TRMT2B: variants seen among roughly 807,000 people sequenced by gnomAD.
The protein encoded by TRMT2B is tRNA methyltransferase 2B, also known as tRNA (uracil-5-)-methyltransferase homolog B.
A neutral mutation model predicts 39.7 loss-of-function variants in TRMT2B; 34 were observed. That is an observed-to-expected ratio of 0.86 (90% CI 0.65 to 1.14). The LOEUF is 1.14. TRMT2B is among the 50% of genes most tolerant of loss of function. The pLI, the probability that TRMT2B is intolerant of heterozygous loss-of-function variation, is 0.00. For missense variants in TRMT2B, 318 were observed against 377.2 expected, an observed-to-expected ratio of 0.84 and a Z score of 1.30; for synonymous variants, 132 against 137.3, an observed-to-expected ratio of 0.96 and a Z score of 0.27.
chrX:100,986,050 G>A, the TRMT2B span: 550 of 779,282 alleles, frequency 7.1e-4, 3 homozygotes, highest in African/African-American at 0.01. Flanking sequence ...GAGGTAGAGC[G>A]GCCCAATTTT....
chrX:101,020,420 A>G (rs1464707799), intron 11 of TRMT2B, 67 bp downstream of exon 11: 1 of 967,724 alleles, frequency 1.0e-6, no homozygotes, highest in Non-Finnish European at 1.5e-6. Flanking sequence ...CTTTTCCCAC[A>G]CAACTCTTTC....
intron 7 of TRMT2B, among the ~76,000 whole-genome samples, chrX:101,027,292 C>T (rs1170069278): frequency 9.3e-6 from 1 of 107,902 alleles, no homozygotes; most frequent in Non-Finnish European, 1.9e-5. Context: ...AGTGCAGTGG[C>T]GCGATCTCGG....
At chrX:100,990,330 C>G in the TRMT2B span, 4 of 911,831 alleles carry the variant, frequency 4.4e-6, no homozygotes, top group Non-Finnish European at 4.0e-6. Flanking sequence ...TTTTTACTTT[C>G]AACAGAGAAA....
intron 4 of TRMT2B, among the ~76,000 whole-genome samples, chrX:101,040,785 C>T (rs1297980158): frequency 2.7e-5 from 3 of 111,768 alleles, no homozygotes; most frequent in South Asian, 7.5e-4. Context: ...ATAACAAAAA[C>T]GCAAGGAAGA....
chrX:101,005,488 T>C (rs931661241), downstream of TRMT2B, among the ~76,000 whole-genome samples: 3 of 110,777 alleles, frequency 2.7e-5, no homozygotes, highest in African/African-American at 9.9e-5. Context: ...GTTGGGGAAA[T>C]TGAATATAAA....
chrX:101,027,837 C>T (rs975295162), intron 7 of TRMT2B, among the ~76,000 whole-genome samples: 2 of 111,143 alleles, frequency 1.8e-5, no homozygotes, highest in Non-Finnish European at 3.8e-5. Context: ...CTGAACTACT[C>T]ATCTCCTCCA....
intron 7 of TRMT2B, among the ~76,000 whole-genome samples, chrX:101,025,645 T>C (rs2087028031): frequency 8.9e-6 from 1 of 111,772 alleles, no homozygotes; most frequent in African/African-American, 3.2e-5. Context: ...TTTTCAAATT[T>C]TAAGGTTGGT....
intron 7 of TRMT2B, among the ~76,000 whole-genome samples, chrX:101,030,514 G>A (rs923836105): frequency 3.0e-5 from 3 of 98,852 alleles, no homozygotes; most frequent in Non-Finnish European, 4.0e-5. Context: ...GCAGTGGCGC[G>A]AACTCGGCTC....
chrX:100,986,843 T>A, the TRMT2B span: 2 of 1,205,753 alleles, frequency 1.7e-6, no homozygotes, highest in Non-Finnish European at 2.2e-6. Context: ...CCTTGTGATA[T>A]TATTGACTAT....
At chrX:100,975,581 T>C in the TRMT2B span, among the ~76,000 whole-genome samples, 1 of 110,654 alleles carries the variant, frequency 9.0e-6, no homozygotes, top group Non-Finnish European at 1.9e-5. Flanking sequence ...GAATGGATGT[T>C]CTCCCCCATT....
chrX:100,988,487 C>T, the TRMT2B span: 23 of 1,176,722 alleles, frequency 2.0e-5, no homozygotes, highest in Middle Eastern at 7.1e-4. Context: ...CAGAATACTA[C>T]GAAGCTTTGC....
intron 7 of TRMT2B, among the ~76,000 whole-genome samples, chrX:101,031,944 C>A (rs1010891566): frequency 1.8e-5 from 2 of 110,683 alleles, no homozygotes; most frequent in Admixed American, 9.7e-5. Context: ...CGGAAGATAA[C>A]AGAAGCAATC....
intron 3 of TRMT2B, 110 bp from the exon 4 acceptor site, chrX:101,041,481 G>A: frequency 1.4e-6 from 1 of 707,436 alleles, no homozygotes. Flanking sequence ...TAGGGAGATG[G>A]AGTCTGGGAG....
the TRMT2B span, chrX:100,985,603 C>T: frequency 1.7e-6 from 2 of 1,147,641 alleles, no homozygotes; most frequent in Non-Finnish European, 2.3e-6. Context: ...CGACTCTACT[C>T]CTGTTAGATG....
At chrX:100,986,008 C>A in the TRMT2B span, 1 of 1,029,264 alleles carries the variant, frequency 9.7e-7, no homozygotes, top group South Asian at 2.4e-5. Flanking sequence ...TTTGTCACAC[C>A]CAGCTAGGCC....
At position 101,020,541 on chromosome X, in the gene TRMT2B, T is replaced by A. The variant is rs1459871937; in HGVS notation, c.1114A>T (p.Ile372Phe). The part of the protein sequence containing the change: ...LAQHTSRVLG[I>F]ELLEQAVEDA... ...TCCACTGCCTGCTCCAACAATTCAA[T>A]CCCAAGGACCCGAGATGTATGCTGA... Residue 372 changes from isoleucine to phenylalanine, a missense_variant, in exon 11 of 14, where the codon ATT (isoleucine) becomes TTT (phenylalanine). Physicochemically the swap from Ile to Phe is conservative, Grantham distance 21. Coordinates refer to ENST00000372936, the MANE Select transcript of TRMT2B (RefSeq NM_024917.6). The A allele has an allele frequency of 8.3e-7, 1 of 1,210,847 alleles. No homozygotes were observed. The highest frequency in any genetic ancestry group is 2.2e-5 in the Admixed American group (1 of 45,936).
the TRMT2B span, among the ~76,000 whole-genome samples, chrX:101,000,973 G>A: frequency 4.5e-5 from 5 of 111,412 alleles, no homozygotes; most frequent in African/African-American, 1.3e-4. Flanking sequence ...TGAAAGACAT[G>A]TTAAATTAGA....
At chrX:101,018,291 C>T (rs974700898) in intron 13 of TRMT2B, among the ~76,000 whole-genome samples, 1 of 109,906 alleles carries the variant, frequency 9.1e-6, no homozygotes, top group African/African-American at 3.3e-5. Flanking sequence ...TTCAGTGAGC[C>T]GTGATTGTGC....
intron 13 of TRMT2B, among the ~76,000 whole-genome samples, chrX:101,017,305 G>A (rs189629905): frequency 1.2e-4 from 13 of 110,685 alleles, no homozygotes; most frequent in Middle Eastern, 4.6e-3. Flanking sequence ...ACACCTTCTC[G>A]CTTTCTCATC....
Sources: gnomAD v4.1 joint callset for allele counts (sites outside exome capture counted in the v4.1 genomes callset) on GRCh38, gnomAD v4.1.1 for gene constraint, MANE v1.5 for transcripts, NCBI Gene and HGNC (gene_info 2026-07-23, HGNC 2026-07-21) for gene names.